IL12RB2: variants seen among roughly 807,000 people sequenced by gnomAD.
IL12RB2 encodes the protein interleukin 12 receptor subunit beta 2, also known as interleukin-12 receptor subunit beta-2.
Under a neutral mutation model 89.4 loss-of-function variants are expected in IL12RB2, and 82 were observed. The ratio of observed to expected loss-of-function variants is 0.92; its 90% CI spans 0.77 to 1.10. The LOEUF (loss-of-function observed/expected upper bound fraction) is 1.10, where lower values mean the gene tolerates loss of function less well. IL12RB2 is among the 50% of genes least tolerant of loss of function. The pLI is 0.00. For synonymous variants in IL12RB2, 368 were observed against 370.1 expected, an observed-to-expected ratio of 0.99 and a Z score of 0.07; for missense variants, 963 against 1,031.9, an observed-to-expected ratio of 0.93 and a Z score of 0.92.
intron 13 of IL12RB2, among the ~76,000 whole-genome samples, chr1:67,377,396 A>G (rs1033410243): frequency 1.3e-5 from 2 of 152,158 alleles, no homozygotes; most frequent in African/African-American, 4.8e-5. Flanking sequence ...AGTCATCTCA[A>G]TGAGCTAGCA....
intron 15 of IL12RB2, 149 bp downstream of exon 15, chr1:67,386,818 C>G: frequency 1.5e-6 from 1 of 652,924 alleles, no homozygotes; most frequent in Non-Finnish European, 2.8e-6. Context: ...CAGTATGTGT[C>G]AAATCCTTAA....
chr1:67,329,842 G>A, intron 7 of IL12RB2, 113 bp downstream of exon 7: 3 of 790,510 alleles, frequency 3.8e-6, no homozygotes, highest in South Asian at 2.8e-5. Flanking sequence ...TATCCCAAAA[G>A]TACACACGAG....
chr1:67,368,175 A>C, intron 11 of IL12RB2, 150 bp downstream of exon 11: 1 of 686,966 alleles, frequency 1.5e-6, no homozygotes, highest in South Asian at 1.5e-5. Flanking sequence ...GCAGCACTTT[A>C]GACTACTCCA....
At chr1:67,336,483 C>T (rs539868460) in intron 8 of IL12RB2, among the ~76,000 whole-genome samples, 2 of 152,256 alleles carry the variant, frequency 1.3e-5, no homozygotes, top group East Asian at 3.9e-4. Flanking sequence ...GGCCACTCTT[C>T]ATATTCCTGG....
chr1:67,352,793 C>A (rs748840780), intron 10 of IL12RB2, among the ~76,000 whole-genome samples: 1 of 152,088 alleles, frequency 6.6e-6, no homozygotes, highest in Non-Finnish European at 1.5e-5. Context: ...TAATGAGATA[C>A]AAATTTTGAG....
chr1:67,389,114 C>T (rs1278039227), intron 15 of IL12RB2, among the ~76,000 whole-genome samples: 2 of 152,052 alleles, frequency 1.3e-5, no homozygotes, highest in African/African-American at 4.8e-5. Context: ...CATATAACAG[C>T]CCTGAGGTAA....
chr1:67,338,310 C>T (rs867695052), intron 8 of IL12RB2, among the ~76,000 whole-genome samples: 38 of 107,878 alleles, frequency 3.5e-4, no homozygotes, highest in African/African-American at 1.1e-3. Flanking sequence ...GCATTCCAGC[C>T]GAGGCAACAG....
intron 16 of IL12RB2, among the ~76,000 whole-genome samples, chr1:67,390,886 C>A (rs1570226384): frequency 6.6e-6 from 1 of 152,100 alleles, no homozygotes; most frequent in African/African-American, 2.4e-5. Flanking sequence ...GCTCCCTTTC[C>A]AAGACCTTAT....
rs374275547 is a variant in IL12RB2, at chr1:67,336,577, G to C, written c.959-2047G>C. Among the ~76,000 whole-genome samples the C allele has an allele frequency of 2.6e-5, 4 of 152,092 alleles. No individual in the cohort carries two copies. The East Asian group carries it at 7.7e-4, about 29-fold the overall frequency. On this transcript the variant is annotated intron_variant, in intron 8 of 16. Transcript: ENST00000674203. ...CTGCAAAGGTAAATACTACTGCAAAGGAGAGAAAAGAAAAGAAGTGAATGT... is the reference window on the plus strand; with the variant it reads ...CTGCAAAGGTAAATACTACTGCAAACGAGAGAAAAGAAAAGAAGTGAATGT...
chr1:67,315,824 G>C (rs571202539), intron 2 of IL12RB2, among the ~76,000 whole-genome samples: 1 of 152,292 alleles, frequency 6.6e-6, no homozygotes, highest in East Asian at 1.9e-4. Flanking sequence ...CTAGTACAGG[G>C]AGTGTCTTTC....
intron 8 of IL12RB2, 82 bp downstream of exon 8, chr1:67,330,892 G>T: frequency 1.2e-6 from 1 of 833,630 alleles, no homozygotes. Context: ...CCTTGGAATA[G>T]AATCTTTAAA....
Position 67,382,552 on chromosome 1 carries a change from A to G in IL12RB2, c.1855+2429A>G, listed in dbSNP as rs75782224. 2.2e-3 allele frequency among the ~76,000 whole-genome samples: 328 copies of G among 152,228 alleles called. 2 individuals carry two copies. Among genetic ancestry groups the G allele is most frequent in the African/African-American group, 7.5e-3 (312 of 41,540 alleles). On this transcript the variant is annotated intron_variant, in intron 14 of 16. Coordinates refer to ENST00000674203, the MANE Select transcript of IL12RB2 (RefSeq NM_001374259.2). ...AGTTTGATCCTTTGCCACACACTTCAGCATTCATTATGGAGCAAGACCAGA... is the reference window on the plus strand; with the variant it reads ...AGTTTGATCCTTTGCCACACACTTCGGCATTCATTATGGAGCAAGACCAGA...
chr1:67,344,327 C>T (rs932257359), intron 9 of IL12RB2, among the ~76,000 whole-genome samples: 12 of 152,232 alleles, frequency 7.9e-5, no homozygotes, highest in Non-Finnish European at 1.8e-4. Context: ...GAGTCTCCCT[C>T]TGTGGCCCAG....
intron 9 of IL12RB2, among the ~76,000 whole-genome samples, chr1:67,344,650 T>C (rs1018996032): frequency 6.6e-6 from 1 of 152,230 alleles, no homozygotes; most frequent in Admixed American, 6.5e-5. Context: ...TACCATGTAA[T>C]CAATTTTTAA....
chr1:67,349,357 G>A (rs1660578548), intron 9 of IL12RB2, among the ~76,000 whole-genome samples: 1 of 152,186 alleles, frequency 6.6e-6, no homozygotes, highest in Non-Finnish European at 1.5e-5. Flanking sequence ...TGGACTTGCA[G>A]AAGAGACACA....
At chr1:67,354,094 C>T (rs963500722) in intron 10 of IL12RB2, among the ~76,000 whole-genome samples, 6 of 152,016 alleles carry the variant, frequency 3.9e-5, no homozygotes, top group Admixed American at 2.0e-4. Flanking sequence ...GACATATGAG[C>T]AAGTAAAGTG....
In IL12RB2 at chr1:67,398,129, C is replaced by G. The variant is rs541003853; in HGVS notation, c.*2040C>G. 6.6e-6 allele frequency among the ~76,000 whole-genome samples: 1 copy of G among 152,014 alleles called. No homozygotes were observed. The highest frequency in any genetic ancestry group is 1.5e-5 in the Non-Finnish European group (1 of 68,012). ...TCCACTCTATTTAGCTATTATTGTGCGGCACCCCCAATGGTTCCTTTCCTC... is the reference window on the plus strand; with the variant it reads ...TCCACTCTATTTAGCTATTATTGTGGGGCACCCCCAATGGTTCCTTTCCTC... On this transcript the variant is annotated 3_prime_UTR_variant, in exon 17 of 17. Transcript: ENST00000674203.
chr1:67,378,870 A>T (rs1192005642), intron 13 of IL12RB2, among the ~76,000 whole-genome samples: 1 of 122,620 alleles, frequency 8.2e-6, no homozygotes, highest in Non-Finnish European at 1.8e-5. Context: ...AAAAAAAAAA[A>T]AAATGTTAAG....
At chr1:67,332,273 T>C (rs1658195038) in intron 8 of IL12RB2, among the ~76,000 whole-genome samples, 1 of 151,614 alleles carries the variant, frequency 6.6e-6, no homozygotes, top group Non-Finnish European at 1.5e-5. Flanking sequence ...TGGAGTGCAG[T>C]GGCACAATCT....
Sources: gnomAD v4.1 joint callset for allele counts (sites outside exome capture counted in the v4.1 genomes callset) on GRCh38, gnomAD v4.1.1 for gene constraint, MANE v1.5 for transcripts, NCBI Gene and HGNC (gene_info 2026-07-23, HGNC 2026-07-21) for gene names.